Variants in CAMKMT observed in about 807,000 individuals in gnomAD.
CAMKMT encodes calmodulin-lysine N-methyltransferase.
CAMKMT carries 53 observed loss-of-function variants against 48.0 expected under a neutral mutation model. That is an observed-to-expected ratio of 1.10 (90% CI 0.89 to 1.39). The LOEUF (loss-of-function observed/expected upper bound fraction) is 1.39, where lower values mean the gene tolerates loss of function less well. CAMKMT is among the 40% of genes most tolerant of loss of function. CAMKMT has a pLI of 0.00. For missense variants in CAMKMT, 428 were observed against 402.7 expected, an observed-to-expected ratio of 1.06 and a Z score of -0.54; for synonymous variants, 165 against 152.3, an observed-to-expected ratio of 1.08 and a Z score of -0.61.
intron 3 of CAMKMT, among the ~76,000 whole-genome samples, chr2:44,570,222 T>A (rs572170042): frequency 2.0e-5 from 3 of 152,216 alleles, no homozygotes; most frequent in South Asian, 4.1e-4. Flanking sequence ...ATCAGACCCA[T>A]TGAGTTTCTT....
intron 3 of CAMKMT, among the ~76,000 whole-genome samples, chr2:44,546,208 T>G (rs1217368313): frequency 1.2e-4 from 12 of 102,532 alleles, no homozygotes; most frequent in African/African-American, 5.7e-4. Flanking sequence ...CACACATACA[T>G]GCACATACCC....
At chr2:44,696,446 G>C (rs954986821) in intron 3 of CAMKMT, among the ~76,000 whole-genome samples, 2 of 152,174 alleles carry the variant, frequency 1.3e-5, no homozygotes, top group Non-Finnish European at 2.9e-5. Context: ...AAACTAAGGA[G>C]AATTGATTGA....
intron 3 of CAMKMT, among the ~76,000 whole-genome samples, chr2:44,645,011 C>T (rs1327266690): frequency 2.0e-5 from 3 of 152,152 alleles, no homozygotes; most frequent in Non-Finnish European, 4.4e-5. Flanking sequence ...AACATTATTT[C>T]CCCATCGATA....
intron 3 of CAMKMT, among the ~76,000 whole-genome samples, chr2:44,637,452 A>T (rs962661602): frequency 6.6e-6 from 1 of 152,170 alleles, no homozygotes; most frequent in Non-Finnish European, 1.5e-5. Context: ...CCCCAATGTT[A>T]GTTTAGTTTT....
At chr2:44,757,513 A>T (rs946613412) in intron 9 of CAMKMT, among the ~76,000 whole-genome samples, 4 of 151,340 alleles carry the variant, frequency 2.6e-5, no homozygotes, top group Non-Finnish European at 5.9e-5. Context: ...ATTGGCTCTG[A>T]GTATCTATTC....
At chr2:44,596,467 AAAAAG>A (rs988059918) in intron 3 of CAMKMT, among the ~76,000 whole-genome samples, 3 of 152,150 alleles carry the variant, frequency 2.0e-5, no homozygotes, top group Admixed American at 1.3e-4. Flanking sequence ...AAAAAAGAAA[AAAAAG>A]AAAAGAAAGA....
intron 1 of CAMKMT, among the ~76,000 whole-genome samples, chr2:44,365,746 C>T (rs1678524554): frequency 6.6e-6 from 1 of 152,178 alleles, no homozygotes; most frequent in African/African-American, 2.4e-5. Flanking sequence ...GAGAGAGGGG[C>T]AGTTCCTAAA....
At chr2:44,377,871 C>T (rs1413404290) in intron 2 of CAMKMT, among the ~76,000 whole-genome samples, 1 of 152,014 alleles carries the variant, frequency 6.6e-6, no homozygotes, top group African/African-American at 2.4e-5. Flanking sequence ...AAACCAAACC[C>T]TCACCTCATT....
chr2:44,483,649 G>A (rs786403), intron 3 of CAMKMT, among the ~76,000 whole-genome samples: 114,435 of 151,952 alleles, frequency 0.75, 43,793 homozygotes, highest in African/African-American at 0.83. Flanking sequence ...TGTAGCTCAA[G>A]GTCTAAGGGA....
intron 3 of CAMKMT, among the ~76,000 whole-genome samples, chr2:44,552,603 AC>A (rs2103657157): frequency 6.6e-6 from 1 of 152,322 alleles, no homozygotes; most frequent in East Asian, 1.9e-4. Flanking sequence ...TTGAGCACTT[AC>A]GTTTCAGGAA....
chr2:44,441,042 G>A (rs1666625551), intron 3 of CAMKMT, among the ~76,000 whole-genome samples: 1 of 152,028 alleles, frequency 6.6e-6, no homozygotes, highest in Non-Finnish European at 1.5e-5. Context: ...CAGTACCTGG[G>A]GGAATTCACC....
chr2:44,498,059 A>G (rs1195323983), intron 3 of CAMKMT, among the ~76,000 whole-genome samples: 1 of 152,152 alleles, frequency 6.6e-6, no homozygotes, highest in African/African-American at 2.4e-5. Flanking sequence ...CATTTTGTAC[A>G]AGAGTTTGAT....
At chr2:44,578,022 ATCCC>A (rs1190285433) in intron 3 of CAMKMT, among the ~76,000 whole-genome samples, 9 of 152,134 alleles carry the variant, frequency 5.9e-5, no homozygotes, top group Non-Finnish European at 1.3e-4. Context: ...TCTTGTGAAG[ATCCC>A]CATGTACATG....
intron 3 of CAMKMT, among the ~76,000 whole-genome samples, chr2:44,496,301 A>G (rs1024992555): frequency 1.3e-5 from 2 of 152,172 alleles, no homozygotes; most frequent in Non-Finnish European, 2.9e-5. Flanking sequence ...TTCCGATACT[A>G]TTGCACAATA....
chr2:44,438,359 A>G (rs1364153109), intron 3 of CAMKMT, among the ~76,000 whole-genome samples: 1 of 152,224 alleles, frequency 6.6e-6, no homozygotes, highest in Non-Finnish European at 1.5e-5. Flanking sequence ...ATTGGTTTTG[A>G]AATTTCATTT....
intron 3 of CAMKMT, among the ~76,000 whole-genome samples, chr2:44,444,885 C>G (rs1572890920): frequency 6.6e-6 from 1 of 152,180 alleles, no homozygotes; most frequent in African/African-American, 2.4e-5. Flanking sequence ...TCCACAGTTT[C>G]ACCTGGGCAT....
At chr2:44,768,626 C>T (rs1026682583) in intron 10 of CAMKMT, among the ~76,000 whole-genome samples, 3 of 152,106 alleles carry the variant, frequency 2.0e-5, no homozygotes, top group Non-Finnish European at 2.9e-5. Context: ...GGCGCGAAGG[C>T]GGAGGCCCAA....
chr2:44,478,994 C>T (rs889888898), intron 3 of CAMKMT, among the ~76,000 whole-genome samples: 2 of 152,106 alleles, frequency 1.3e-5, no homozygotes, highest in African/African-American at 2.4e-5. Context: ...CCACCGCGCC[C>T]GGCAATTGCT....
At chr2:44,644,468 A>C (rs532832727) in intron 3 of CAMKMT, among the ~76,000 whole-genome samples, 3 of 152,234 alleles carry the variant, frequency 2.0e-5, no homozygotes, top group Non-Finnish European at 2.9e-5. Context: ...GTATTGACAT[A>C]TGGAAGTTTT....
Sources: allele counts gnomAD v4.1 joint callset (sites outside exome capture counted in the v4.1 genomes callset), GRCh38; gene constraint gnomAD v4.1.1; transcripts MANE v1.5; gene names NCBI Gene and HGNC (gene_info 2026-07-23, HGNC 2026-07-21).